The following PWWP2B variants were observed in gnomAD, a reference collection of about 807,000 sequenced individuals.
PWWP2B encodes the protein PWWP domain-containing protein 2B.
Under a neutral mutation model 15.5 loss-of-function variants are expected in PWWP2B, and 9 were observed. The observed-to-expected ratio is 0.58, with a 90% CI of 0.35 to 1.02. The LOEUF (loss-of-function observed/expected upper bound fraction) is 1.02. Ranked by LOEUF, PWWP2B falls within the 50% of genes least tolerant of loss-of-function variation. The pLI, the probability that PWWP2B is intolerant of heterozygous loss-of-function variation, is 0.02. For missense variants in PWWP2B, 864 were observed against 865.3 expected (o/e 1.00, Z 0.02); for synonymous variants, 474 against 403.6 (o/e 1.17, Z -2.09).
chr10:132,415,260 C>T (rs1167151888), intron 2 of PWWP2B, among the ~76,000 whole-genome samples: 2 of 130,630 alleles, frequency 1.5e-5, no homozygotes, highest in African/African-American at 5.8e-5. Context: ...ACACACACAC[C>T]CGCTCACACA....
At position 132,398,011 on chromosome 10, in the gene PWWP2B, C is replaced by T. The variant is rs549560743; in HGVS notation, c.125+660C>T. Among the ~76,000 whole-genome samples, 104 of 152,324 alleles carry T rather than the reference C, an allele frequency of 6.8e-4. 1 individual carries two copies. Among genetic ancestry groups the T allele is most frequent in the Non-Finnish European group, 1.4e-3 (93 of 68,036 alleles). On this transcript the variant is annotated intron_variant, in intron 1 of 2. Coordinates refer to ENST00000305233, the MANE Select transcript of PWWP2B (RefSeq NM_138499.4). ...CTCCTGAGAGGCACCTGTGCACGGG[C>T]TGCAGGGACCCATGCGGTGCAGATG...
intron 2 of PWWP2B, among the ~76,000 whole-genome samples, chr10:132,416,749 G>C (rs1034803430): frequency 5.1e-4 from 78 of 152,146 alleles, no homozygotes; most frequent in Non-Finnish European, 1.8e-4. Flanking sequence ...ATGGTCGTCA[G>C]CCCCCACCAA....
chr10:132,414,954 C>T (rs12220732), intron 2 of PWWP2B, among the ~76,000 whole-genome samples: 1 of 152,212 alleles, frequency 6.6e-6, no homozygotes, highest in East Asian at 1.9e-4. Context: ...CCCCCTGGGA[C>T]GTGAATGGGA....
At chr10:132,410,221 C>T (rs1452503339) in intron 2 of PWWP2B, among the ~76,000 whole-genome samples, 3 of 152,030 alleles carry the variant, frequency 2.0e-5, no homozygotes, top group Admixed American at 6.6e-5. Context: ...TGCCCCGCAT[C>T]CTCAGGGGTG....
intron 1 of PWWP2B, among the ~76,000 whole-genome samples, chr10:132,398,384 G>A (rs535816126): frequency 6.6e-6 from 1 of 152,228 alleles, no homozygotes; most frequent in Non-Finnish European, 1.5e-5. Context: ...GGGAGTGCAC[G>A]GGCAGGATGG....
intron 2 of PWWP2B, among the ~76,000 whole-genome samples, chr10:132,414,236 G>A (rs1291745640): frequency 6.6e-6 from 1 of 152,224 alleles, no homozygotes; most frequent in Non-Finnish European, 1.5e-5. Flanking sequence ...CGTTACACAT[G>A]TTTCTAATGA....
intron 1 of PWWP2B, among the ~76,000 whole-genome samples, chr10:132,397,806 G>A (rs2069558366): frequency 6.6e-6 from 1 of 152,214 alleles, no homozygotes; most frequent in African/African-American, 2.4e-5. Flanking sequence ...GTGACTCCGC[G>A]GCTGAGGTTT....
At chr10:132,416,176 G>A (rs1196795979) in intron 2 of PWWP2B, among the ~76,000 whole-genome samples, 6 of 152,040 alleles carry the variant, frequency 3.9e-5, no homozygotes, top group East Asian at 1.9e-4. Flanking sequence ...GCGGGGCTGC[G>A]ACAGGGGCAG....
At chr10:132,412,767 G>A (rs2069798216) in intron 2 of PWWP2B, among the ~76,000 whole-genome samples, 1 of 152,246 alleles carries the variant, frequency 6.6e-6, no homozygotes, top group Non-Finnish European at 1.5e-5. Context: ...CGCTTGCAGA[G>A]AATTCTCATG....
intron 1 of PWWP2B, among the ~76,000 whole-genome samples, chr10:132,400,371 G>A (rs1487388213): frequency 1.3e-5 from 2 of 152,144 alleles, no homozygotes; most frequent in Non-Finnish European, 2.9e-5. Context: ...GCCCCACAGG[G>A]CTTAGAGAGG....
At chr10:132,398,962 C>G (rs529336661) in intron 1 of PWWP2B, among the ~76,000 whole-genome samples, 2 of 113,672 alleles carry the variant, frequency 1.8e-5, no homozygotes, top group Admixed American at 1.7e-4. Context: ...CCCCTGCCCC[C>G]TCCCTCATCT....
chr10:132,404,704 G>C lies in PWWP2B; in HGVS notation c.204G>C (p.Arg68=). The C allele has an allele frequency of 6.2e-7, 1 of 1,612,284 alleles. No homozygotes were observed. Among genetic ancestry groups the C allele is most frequent in the Non-Finnish European group, 8.5e-7 (1 of 1,179,764 alleles). The part of the protein sequence containing the change: ...DESPVNDSHG[R]APEEGDAEVM... ...CCCCTGTCAACGACAGCCATGGCCG[G>C]GCTCCCGAGGAGGGGGATGCAGAGG... Residue 68 remains arginine (R), a synonymous_variant, in exon 2 of 3, where the codon CGG becomes CGC. Coordinates refer to ENST00000305233, the MANE Select transcript of PWWP2B (RefSeq NM_138499.4).
chr10:132,403,895 C>T (rs114740895), intron 1 of PWWP2B, among the ~76,000 whole-genome samples: 3,312 of 152,294 alleles, frequency 0.022, 101 homozygotes, highest in African/African-American at 0.071. Flanking sequence ...TCTCTCGGGG[C>T]CACTGAAAGC....
At chr10:132,414,382 G>A (rs1174403042) in intron 2 of PWWP2B, among the ~76,000 whole-genome samples, 2 of 152,212 alleles carry the variant, frequency 1.3e-5, no homozygotes, top group African/African-American at 4.8e-5. Context: ...TTTGATTTGA[G>A]CCTCTTTCGA....
intron 2 of PWWP2B, among the ~76,000 whole-genome samples, chr10:132,416,826 G>C (rs1224287594): frequency 2.6e-5 from 4 of 152,054 alleles, no homozygotes; most frequent in Non-Finnish European, 4.4e-5. Flanking sequence ...TGGACTGCGG[G>C]ACTTCAGGGC....
Position 132,405,477 on chromosome 10 carries a change from C to G in PWWP2B, c.977C>G (p.Ala326Gly), listed in dbSNP as rs759087247. The change falls in exon 2 of 3, where the codon GCG (alanine) becomes GGG (glycine). Residue 326 changes from alanine to glycine, a missense_variant. This residue lies in a region of PWWP2B where 736 missense variants were observed against 687.7 expected (regional missense o/e 1.07). Coordinates refer to ENST00000305233, the MANE Select transcript of PWWP2B (RefSeq NM_138499.4). ...LKLTRPVPAG[A>G]DLPPPKIRLK... ...CTGACACGGCCTGTGCCGGCCGGCGCGGACCTGCCGCCCCCTAAGATCCGC... is the reference window on the plus strand; with the variant it reads ...CTGACACGGCCTGTGCCGGCCGGCGGGGACCTGCCGCCCCCTAAGATCCGC... The G allele has an allele frequency of 1.2e-6, 2 of 1,604,952 alleles. No individual in the cohort carries two copies. Among genetic ancestry groups the G allele is most frequent in the East Asian group, 2.2e-5 (1 of 44,860 alleles).
Position 132,417,042 on chromosome 10 carries a change from C to G in PWWP2B, c.*17-19C>G. 6.2e-7 allele frequency: 1 copy of G among 1,613,576 alleles called. No individual in the cohort carries two copies. The highest frequency in any genetic ancestry group is 8.5e-7 in the Non-Finnish European group (1 of 1,179,608). On this transcript the variant is annotated intron_variant, in intron 2 of 2. Coordinates refer to ENST00000305233, the MANE Select transcript of PWWP2B (RefSeq NM_138499.4). ...TCGACCCTGAGTTAAATCTCTGCCC[C>G]TTTTTGCTTTCCCCCAAGGTCACCG...
chr10:132,406,188 A>T lies in PWWP2B; in HGVS notation c.1688A>T (p.Tyr563Phe). 6.2e-7 allele frequency: 1 copy of T among 1,613,370 alleles called. No homozygotes were observed. Among genetic ancestry groups the T allele is most frequent in the Non-Finnish European group, 8.5e-7 (1 of 1,180,008 alleles). ...TTTAATCGTAAGAAGAAGGGGATGT[A>T]TCGGAAAGCTATAACCGAGGCTGCA... ...LRFNRKKKGMYRKAITEAANA... is the reference protein window; with the variant it reads ...LRFNRKKKGMFRKAITEAANA... Residue 563 changes from tyrosine to phenylalanine, a missense_variant, in exon 2 of 3, where the codon TAT becomes TTT. Transcript: ENST00000305233.
chr10:132,406,647 G>T (rs185291604), intron 2 of PWWP2B, among the ~76,000 whole-genome samples: 1 of 152,190 alleles, frequency 6.6e-6, no homozygotes, highest in Non-Finnish European at 1.5e-5. Flanking sequence ...GGAGGGGAGA[G>T]CCCAGGCTGA....
Sources: gnomAD v4.1 joint callset for allele counts (sites outside exome capture counted in the v4.1 genomes callset) on GRCh38, gnomAD v4.1.1 for gene constraint, gnomAD v4.1.1 regional missense constraint, MANE v1.5 for transcripts, NCBI Gene and HGNC (gene_info 2026-07-23, HGNC 2026-07-21) for gene names.